LRRC49: variants seen among roughly 807,000 people sequenced by gnomAD.
LRRC49 encodes leucine-rich repeat-containing protein 49.
In LRRC49, 50 loss-of-function variants were observed where a neutral mutation model predicts 83.3. The observed-to-expected ratio is 0.60, with a 90% CI of 0.48 to 0.76. The LOEUF (loss-of-function observed/expected upper bound fraction) is 0.76. Ranked by LOEUF, LRRC49 falls within the 30% of genes least tolerant of loss-of-function variation. The pLI is 0.00. For missense variants in LRRC49, 704 were observed against 809.1 expected (o/e 0.87, Z 1.58); for synonymous variants, 286 against 283.3 (o/e 1.01, Z -0.10).
Position 70,853,890 on chromosome 15 carries a change from T to C in LRRC49, c.-299+421T>C, listed in dbSNP as rs1029688069. 3.6e-5 allele frequency: 47 copies of C among 1,301,722 alleles called. No individual in the cohort carries two copies. The Admixed American group carries it at 7.5e-4, about 21-fold the overall frequency. The allele number at this position is 1,301,722 out of a possible 1,614,324, so 80.6% of individuals were successfully genotyped here. On this transcript the variant is annotated intron_variant, in intron 1 of 16. Transcript: ENST00000544974. Reference sequence around the variant, plus strand: ...TCCCGGGCCAGCCGCCGCGCCTACCTGTGCCCGCGGCTCGGCTCCTCCTCG... The same window carrying C: ...TCCCGGGCCAGCCGCCGCGCCTACCCGTGCCCGCGGCTCGGCTCCTCCTCG...
intron 11 of LRRC49, among the ~76,000 whole-genome samples, chr15:70,989,026 C>T (rs1207550403): frequency 6.6e-6 from 1 of 152,186 alleles, no homozygotes; most frequent in Non-Finnish European, 1.5e-5. Context: ...TGATGGGCTT[C>T]CCTTTGTGGG....
At chr15:70,872,444 G>C (rs2141077583) in intron 1 of LRRC49, among the ~76,000 whole-genome samples, 1 of 152,058 alleles carries the variant, frequency 6.6e-6, no homozygotes, top group South Asian at 2.1e-4. Flanking sequence ...GCGAGGGGGA[G>C]GGAGAGGTAC....
rs780138840 is a variant in LRRC49, at chr15:70,965,548, G to GT, written c.921+1623dup. On this transcript the variant is annotated intron_variant, in intron 9 of 15. Coordinates refer to ENST00000260382, the MANE Select transcript of LRRC49 (RefSeq NM_017691.5). The stretch of plus-strand genomic sequence containing the variant: ...TGATATTTATGAAAATTACAGGTTA[G>GT]TTTTTTTGTAGAATGACCCTCAATT... Among the ~76,000 whole-genome samples, 15 of 152,074 alleles carry GT rather than the reference G, an allele frequency of 9.9e-5. No individual in the cohort carries two copies. In the East Asian group the frequency reaches 1.2e-3, roughly 12 times the overall value.
intron 5 of LRRC49, among the ~76,000 whole-genome samples, chr15:70,910,669 T>A (rs1008297494): frequency 2.6e-5 from 4 of 152,210 alleles, no homozygotes; most frequent in African/African-American, 9.6e-5. Flanking sequence ...AGTTTGTCTC[T>A]GTCATAAAGG....
At chr15:70,864,968 C>T (rs2032879633) in intron 1 of LRRC49, among the ~76,000 whole-genome samples, 1 of 152,198 alleles carries the variant, frequency 6.6e-6, no homozygotes, top group African/African-American at 2.4e-5. Context: ...TTGCTAGGCC[C>T]TCTATAACCC....
intron 9 of LRRC49, among the ~76,000 whole-genome samples, chr15:70,966,191 T>G (rs1288039063): frequency 6.6e-6 from 1 of 152,160 alleles, no homozygotes; most frequent in African/African-American, 2.4e-5. Context: ...CATATAAACA[T>G]TCTCACTGTG....
chr15:70,865,742 T>A (rs1411289958), intron 1 of LRRC49, among the ~76,000 whole-genome samples: 1 of 152,158 alleles, frequency 6.6e-6, no homozygotes, highest in African/African-American at 2.4e-5. Flanking sequence ...ACCTGTCTGG[T>A]TTTTTGAGGA....
At chr15:70,992,196 T>C (rs1014052595) in intron 11 of LRRC49, among the ~76,000 whole-genome samples, 4 of 152,254 alleles carry the variant, frequency 2.6e-5, no homozygotes, top group African/African-American at 7.2e-5. Context: ...CTGGTTATTC[T>C]AGTTAGCTAT....
chr15:70,856,849 T>C (rs62019070), intron 1 of LRRC49, among the ~76,000 whole-genome samples: 2,367 of 152,268 alleles, frequency 0.016, 32 homozygotes, highest in Non-Finnish European at 0.021. Context: ...CCTACCCACA[T>C]ACCCATCATT....
At chr15:70,901,479 C>G (rs554168681) in intron 4 of LRRC49, among the ~76,000 whole-genome samples, 1 of 152,168 alleles carries the variant, frequency 6.6e-6, no homozygotes, top group Non-Finnish European at 1.5e-5. Context: ...GAATTTGGTG[C>G]TTACTATCCC....
intron 2 of LRRC49, chr15:70,882,802 C>T: frequency 3.7e-6 from 6 of 1,614,110 alleles, no homozygotes; most frequent in Non-Finnish European, 5.1e-6. Context: ...AATTTGTGTA[C>T]TTTTATGCAC....
At chr15:70,964,439 G>C (rs1299951258) in intron 9 of LRRC49, among the ~76,000 whole-genome samples, 1 of 152,066 alleles carries the variant, frequency 6.6e-6, no homozygotes, top group African/African-American at 2.4e-5. Flanking sequence ...AGAAAATAAG[G>C]TACTACACTT....
At chr15:70,892,553 G>A, upstream of LRRC49, 2 of 1,501,812 alleles carry the variant, frequency 1.3e-6, no homozygotes, top group Non-Finnish European at 1.8e-6. Flanking sequence ...GCTGAGGTGG[G>A]CCGTAAAGAG....
intron 8 of LRRC49, among the ~76,000 whole-genome samples, chr15:70,949,304 G>A (rs1245440443): frequency 2.6e-5 from 4 of 152,140 alleles, no homozygotes; most frequent in African/African-American, 9.7e-5. Flanking sequence ...TGGTTACCTA[G>A]ACTATAAAGG....
chr15:71,017,899 C>T (rs944268986), intron 14 of LRRC49, among the ~76,000 whole-genome samples: 3 of 152,130 alleles, frequency 2.0e-5, no homozygotes, highest in Admixed American at 1.3e-4. Context: ...ATGTAGTAAG[C>T]TGCCATGCTT....
At chr15:71,021,540 C>T (rs1054178212) in intron 14 of LRRC49, among the ~76,000 whole-genome samples, 3 of 152,194 alleles carry the variant, frequency 2.0e-5, no homozygotes, top group African/African-American at 7.2e-5. Flanking sequence ...GTGTGACAAA[C>T]ACCCCAAATC....
At chr15:70,967,157 A>G (rs954767418) in intron 9 of LRRC49, among the ~76,000 whole-genome samples, 2 of 152,156 alleles carry the variant, frequency 1.3e-5, no homozygotes, top group Admixed American at 6.5e-5. Flanking sequence ...AGCAGCTGAC[A>G]GGAGTTCAAC....
chr15:70,939,531 T>C (rs1270614053), intron 8 of LRRC49, among the ~76,000 whole-genome samples: 1 of 152,198 alleles, frequency 6.6e-6, no homozygotes, highest in African/African-American at 2.4e-5. Context: ...TCAGTAAGGA[T>C]CTTGCCCATA....
At chr15:71,032,737 A>G (rs1053826151) in intron 14 of LRRC49, among the ~76,000 whole-genome samples, 4 of 152,206 alleles carry the variant, frequency 2.6e-5, no homozygotes, top group Non-Finnish European at 5.9e-5. Flanking sequence ...AATTCATCAC[A>G]TAAACAGAAC....
Sources: gnomAD v4.1 joint callset for allele counts (sites outside exome capture counted in the v4.1 genomes callset) on GRCh38, gnomAD v4.1.1 for gene constraint, MANE v1.5 for transcripts, NCBI Gene and HGNC (gene_info 2026-07-23, HGNC 2026-07-21) for gene names.